TMEM163: variants seen among roughly 807,000 people sequenced by gnomAD.
TMEM163 encodes the protein transmembrane protein 163.
In TMEM163, 17 loss-of-function variants were observed where a neutral mutation model predicts 29.3. That is an observed-to-expected ratio of 0.58 (90% CI 0.40 to 0.87). The LOEUF (loss-of-function observed/expected upper bound fraction) is 0.87. Among genes scored for constraint, TMEM163 ranks in the 40% least tolerant of loss-of-function variants. The probability of loss-of-function intolerance (pLI) is 0.00; values close to 1 mark genes in which losing one functional copy is unlikely to be tolerated. For synonymous variants in TMEM163, 157 were observed against 160.6 expected, an observed-to-expected ratio of 0.98 and a Z score of 0.17; for missense variants, 303 against 381.5, an observed-to-expected ratio of 0.79 and a Z score of 1.71.
rs73958769 is a variant in TMEM163 at position 134,616,777 on chromosome 2, C to A, written c.323-64686G>T. ...GATGTTAACATTGGAGGAGACTGGG[C>A]CAAAGTACACAAGACTTCCCTGTAT... On this transcript the variant is annotated intron_variant, in intron 2 of 7. Transcript: ENST00000281924. 2.5e-3 allele frequency among the ~76,000 whole-genome samples: 373 copies of A among 152,198 alleles called. 4 individuals carry two copies. Among genetic ancestry groups the A allele is most frequent in the African/African-American group, 8.6e-3 (358 of 41,526 alleles).
At position 134,705,925 on chromosome 2, in the gene TMEM163, C is replaced by A. The variant is rs189218497; in HGVS notation, c.322+7275G>T. 5.3e-5 allele frequency among the ~76,000 whole-genome samples: 8 copies of A among 152,314 alleles called. No individual in the cohort carries two copies. The East Asian group carries it at 1.5e-3, about 29-fold the overall frequency. On this transcript the variant is annotated intron_variant, in intron 2 of 7. Transcript: ENST00000281924. ...GCATGAGATGAGCCCACCTGGGGCT[C>A]GCCGCCCAGCTACCCTGTGTCACCG...
Position 134,455,806 on chromosome 2 carries a change from CG to C in TMEM163, c.*909del, listed in dbSNP as rs995621077. The C allele has an allele frequency of 1.3e-5, 2 of 152,284 alleles. No individual in the cohort carries two copies. The highest frequency in any genetic ancestry group is 4.8e-5 in the African/African-American group (2 of 41,414). The allele number at this position is 152,284 out of a possible 1,614,324, so 9.4% of individuals were successfully genotyped here. A position where few individuals can be genotyped will look rare whatever the true frequency, so the allele number is the denominator to read the frequency against. On this transcript the variant is annotated 3_prime_UTR_variant, in exon 8 of 8. Coordinates refer to ENST00000281924, the MANE Select transcript of TMEM163 (RefSeq NM_030923.5). ...TCTTTATTGGTCAGCCACTACTGCC[CG>C]GGCAAGCAGTGGTGTGAGAGGTACA...
At chr2:134,637,087 C>T (rs1683120878) in intron 2 of TMEM163, among the ~76,000 whole-genome samples, 1 of 152,218 alleles carries the variant, frequency 6.6e-6, no homozygotes, top group African/African-American at 2.4e-5. Flanking sequence ...TACTCTTTCT[C>T]TATTGCAGTT....
rs560125341 is a variant in TMEM163 at position 134,516,666 on chromosome 2, CAT to C, written c.459-13671_459-13670del. On this transcript the variant is annotated intron_variant, in intron 4 of 7. Transcript: ENST00000281924. Reference sequence around the variant, plus strand: ...ACTTATATTCATACATATATTCATACATATAGTCATACATATATGCATATATA... The same window carrying C: ...ACTTATATTCATACATATATTCATACATAGTCATACATATATGCATATATA... 2.1e-3 allele frequency among the ~76,000 whole-genome samples: 300 copies of C among 144,100 alleles called. 1 individual carries two copies. The highest frequency in any genetic ancestry group is 6.5e-3 in the African/African-American group (255 of 38,968). The allele number at this position is 144,100 out of a possible 152,430, so 94.5% of individuals were successfully genotyped here.
chr2:134,641,065 A>G (rs1357134266), intron 2 of TMEM163, among the ~76,000 whole-genome samples: 1 of 152,256 alleles, frequency 6.6e-6, no homozygotes, highest in East Asian at 1.9e-4. Context: ...GAAATAATAC[A>G]TAGCTACAAA....
rs187145963 is a variant in TMEM163 at position 134,597,432 on chromosome 2, G to A, written c.323-45341C>T. On this transcript the variant is annotated intron_variant, in intron 2 of 7. Transcript: ENST00000281924. ...GGATTACATTTTTTGATTTGCGTAT[G>A]TTGAACCTGCCTTGCATCCCAGGGA... 2.9e-3 allele frequency among the ~76,000 whole-genome samples: 448 copies of A among 152,316 alleles called. 3 individuals carry two copies. The highest frequency in any genetic ancestry group is 9.9e-3 in the African/African-American group (413 of 41,574).
chr2:134,624,230 T>G (rs1011421047), intron 2 of TMEM163, among the ~76,000 whole-genome samples: 1 of 152,170 alleles, frequency 6.6e-6, no homozygotes, highest in African/African-American at 2.4e-5. Context: ...CTGAAAACTG[T>G]GATCAGGTAG....
At chr2:134,595,894 G>C (rs887459968) in intron 2 of TMEM163, among the ~76,000 whole-genome samples, 1 of 152,160 alleles carries the variant, frequency 6.6e-6, no homozygotes, top group Non-Finnish European at 1.5e-5. Flanking sequence ...TCATGTGTCT[G>C]TTGGCTGCAT....
intron 2 of TMEM163, among the ~76,000 whole-genome samples, chr2:134,577,204 G>A (rs1681575215): frequency 6.6e-6 from 1 of 152,122 alleles, no homozygotes; most frequent in African/African-American, 2.4e-5. Context: ...ACATGCACAC[G>A]CATAAAGATA....
At chr2:134,515,021 T>C (rs529743978) in intron 4 of TMEM163, among the ~76,000 whole-genome samples, 1 of 152,338 alleles carries the variant, frequency 6.6e-6, no homozygotes, top group South Asian at 2.1e-4. Flanking sequence ...TGGGTGCTGC[T>C]ATTGCAGCAA....
chr2:134,604,113 G>T (rs146926098), intron 2 of TMEM163, among the ~76,000 whole-genome samples: 1 of 151,972 alleles, frequency 6.6e-6, no homozygotes, highest in African/African-American at 2.4e-5. Flanking sequence ...CCTTCACTCC[G>T]CTGTCAGATT....
chr2:134,651,228 T>C (rs1435901868), intron 2 of TMEM163, among the ~76,000 whole-genome samples: 1 of 113,050 alleles, frequency 8.8e-6, no homozygotes, highest in African/African-American at 4.4e-5. Context: ...TTTTTAATGA[T>C]TGCCATTCTA....
intron 4 of TMEM163, among the ~76,000 whole-genome samples, chr2:134,529,225 G>A (rs1040452583): frequency 9.2e-5 from 14 of 152,094 alleles, no homozygotes; most frequent in African/African-American, 3.4e-4. Context: ...CAGCTACTCA[G>A]GAGGCTGAGA....
chr2:134,462,527 C>T (rs1250046734), intron 6 of TMEM163, among the ~76,000 whole-genome samples: 1 of 152,204 alleles, frequency 6.6e-6, no homozygotes, highest in Non-Finnish European at 1.5e-5. Flanking sequence ...CGGCTCTTCC[C>T]CACTCTTCAC....
At position 134,460,352 on chromosome 2, in the gene TMEM163, A is replaced by G. The variant is rs975929608; in HGVS notation, c.668-2179T>C. ...CCTCCCAGCCCTGTCCTCAGCCCTCAGCCCCTAAACTTCCTCCCCTCCACC... is the reference window on the plus strand; with the variant it reads ...CCTCCCAGCCCTGTCCTCAGCCCTCGGCCCCTAAACTTCCTCCCCTCCACC... On this transcript the variant is annotated intron_variant, in intron 6 of 7. Coordinates refer to ENST00000281924, the MANE Select transcript of TMEM163 (RefSeq NM_030923.5). This position sits in a 1 kb window ranked among gnomAD's most constrained non-coding sequence, Gnocchi z 4.3. 1.3e-5 allele frequency among the ~76,000 whole-genome samples: 2 copies of G among 151,360 alleles called. No homozygotes were observed. Among genetic ancestry groups the G allele is most frequent in the African/African-American group, 4.9e-5 (2 of 41,118 alleles).
intron 2 of TMEM163, among the ~76,000 whole-genome samples, chr2:134,668,272 T>C (rs149089121): frequency 1.3e-3 from 200 of 152,266 alleles, no homozygotes; most frequent in African/African-American, 4.7e-3. Flanking sequence ...ACAGTTCTCA[T>C]CAGCGCTCAT....
At chr2:134,537,165 T>C (rs941988488) in intron 4 of TMEM163, among the ~76,000 whole-genome samples, 3 of 152,142 alleles carry the variant, frequency 2.0e-5, no homozygotes, top group African/African-American at 7.2e-5. Flanking sequence ...GCCCTAAATA[T>C]TGTATTCACC....
rs566932277 is a variant in TMEM163 at position 134,481,934 on chromosome 2, C to T, written c.556-15709G>A. ...CAAGGCGACCTTCCACCTCCTCCAA[C>T]GTGCTCAGCAGGAATGAACCCCACC... On this transcript the variant is annotated intron_variant, in intron 5 of 7. Transcript: ENST00000281924. 2.0e-5 allele frequency among the ~76,000 whole-genome samples: 3 copies of T among 152,278 alleles called. No homozygotes were observed. The South Asian group carries it at 6.2e-4, about 32-fold the overall frequency.
chr2:134,591,064 T>A (rs916907081), intron 2 of TMEM163, among the ~76,000 whole-genome samples: 6 of 152,180 alleles, frequency 3.9e-5, no homozygotes, highest in Non-Finnish European at 7.3e-5. Context: ...TACATGTACA[T>A]TAGAAGGATG....
Sources: gnomAD v4.1 joint callset for allele counts (sites outside exome capture counted in the v4.1 genomes callset) on GRCh38, gnomAD v4.1.1 for gene constraint, Gnocchi (gnomAD v3.1) non-coding constraint, MANE v1.5 for transcripts, NCBI Gene and HGNC (gene_info 2026-07-23, HGNC 2026-07-21) for gene names.